Variants in RHOA observed in about 807,000 individuals in gnomAD.
The protein encoded by RHOA is ras homolog family member A.
Under a neutral mutation model 17.5 loss-of-function variants are expected in RHOA, and 3 were observed. The observed-to-expected ratio is 0.17, with a 90% CI of 0.08 to 0.44. The LOEUF (loss-of-function observed/expected upper bound fraction) is 0.44. Among genes scored for constraint, RHOA ranks in the 20% least tolerant of loss-of-function variants. RHOA has a pLI of 0.99. For synonymous variants in RHOA, 98 were observed against 88.4 expected (o/e 1.11, Z -0.61); for missense variants, 56 against 242.3 (o/e 0.23, Z 5.10).
intron 1 of RHOA, among the ~76,000 whole-genome samples, chr3:49,405,085 T>C (rs955929270): frequency 7.0e-6 from 1 of 142,122 alleles, no homozygotes; most frequent in African/African-American, 2.7e-5. Flanking sequence ...CTGTCTCTAC[T>C]AAAAATACAA....
chr3:49,390,634 A>G (rs2048484981), intron 1 of RHOA, among the ~76,000 whole-genome samples: 1 of 152,198 alleles, frequency 6.6e-6, no homozygotes, highest in Non-Finnish European at 1.5e-5. Flanking sequence ...TGTAAAAGGA[A>G]AATACAGATG....
chr3:49,389,557 A>T (rs1235097316), intron 1 of RHOA, among the ~76,000 whole-genome samples: 3 of 152,176 alleles, frequency 2.0e-5, no homozygotes, highest in Non-Finnish European at 4.4e-5. Flanking sequence ...GCTGAAAAAG[A>T]GTCATGACAC....
chr3:49,397,471 T>C (rs1370707904), intron 1 of RHOA, among the ~76,000 whole-genome samples: 1 of 152,122 alleles, frequency 6.6e-6, no homozygotes, highest in African/African-American at 2.4e-5. Context: ...ATATATGAAT[T>C]ATATCTCAGT....
chr3:49,405,930 C>G lies in RHOA; in HGVS notation c.-3+5890G>C, dbSNP rs530389830. Among the ~76,000 whole-genome samples, 21 of 152,252 alleles carry G rather than the reference C, an allele frequency of 1.4e-4. No homozygotes were observed. In the East Asian group the frequency reaches 2.9e-3, roughly 21 times the overall value. On this transcript the variant is annotated intron_variant, in intron 1 of 4. Coordinates refer to ENST00000418115, the MANE Select transcript of RHOA (RefSeq NM_001664.4). Reference sequence around the variant, plus strand: ...GAACTCCTGACCTCAGGTGACCCACCCACCTCGGCCTCCCAAAGTGCTGGG... The same window carrying G: ...GAACTCCTGACCTCAGGTGACCCACGCACCTCGGCCTCCCAAAGTGCTGGG...
intron 1 of RHOA, among the ~76,000 whole-genome samples, chr3:49,393,177 T>TA (rs1350860734): frequency 3.9e-5 from 6 of 151,938 alleles, no homozygotes; most frequent in South Asian, 2.1e-4. Context: ...TCTCAAAAAA[T>TA]AAAAAAATCA....
chr3:49,387,725 C>T (rs1241667825), intron 1 of RHOA, among the ~76,000 whole-genome samples: 60 of 144,480 alleles, frequency 4.2e-4, no homozygotes, highest in African/African-American at 1.3e-3. Context: ...GGGGACAGAG[C>T]GAGACTCCAG....
At chr3:49,373,004 A>G (rs1237115029) in intron 2 of RHOA, among the ~76,000 whole-genome samples, 1 of 152,082 alleles carries the variant, frequency 6.6e-6, no homozygotes, top group African/African-American at 2.4e-5. Flanking sequence ...CAGTGCCACA[A>G]AAGGAGGCTA....
At chr3:49,396,097 A>G (rs1157749424) in intron 1 of RHOA, among the ~76,000 whole-genome samples, 1 of 152,210 alleles carries the variant, frequency 6.6e-6, no homozygotes, top group Non-Finnish European at 1.5e-5. Context: ...AACACCAAGA[A>G]AAAAGGAAGA....
chr3:49,393,729 T>TGAGAGA lies in RHOA; in HGVS notation c.-3+18090_-3+18091insTCTCTC, dbSNP rs1259094624. On this transcript the variant is annotated intron_variant, in intron 1 of 4. Coordinates refer to ENST00000418115, the MANE Select transcript of RHOA (RefSeq NM_001664.4). ...GTGTGTGTGTGTGTGTGTGTGTGTG[T>TGAGAGA]GACAGAATCTCGCTCTGTCGCCCAG... is the stretch of plus-strand genomic sequence containing the variant. Among the ~76,000 whole-genome samples the TGAGAGA allele has an allele frequency of 7.3e-3, 1,001 of 136,758 alleles. 21 individuals are homozygous for TGAGAGA. Among genetic ancestry groups the TGAGAGA allele is most frequent in the Non-Finnish European group, 8.0e-3 (519 of 64,816 alleles). The allele number at this position is 136,758 out of a possible 152,430, so 89.7% of individuals were successfully genotyped here. A position where few individuals can be genotyped will look rare whatever the true frequency, so the allele number is the denominator to read the frequency against.
chr3:49,380,731 A>T, intron 1 of RHOA, among the ~76,000 whole-genome samples: 1 of 148,490 alleles, frequency 6.7e-6, no homozygotes, highest in South Asian at 2.1e-4. Context: ...AATACTCATT[A>T]TCAAAACTAT....
intron 2 of RHOA, among the ~76,000 whole-genome samples, chr3:49,372,373 C>T (rs2048159551): frequency 6.6e-6 from 1 of 152,132 alleles, no homozygotes; most frequent in East Asian, 1.9e-4. Context: ...TATACTTGGG[C>T]CAGAAAGTAT....
chr3:49,392,758 G>A (rs982417340), intron 1 of RHOA, among the ~76,000 whole-genome samples: 13 of 152,128 alleles, frequency 8.5e-5, no homozygotes, highest in Non-Finnish European at 1.8e-4. Context: ...TATACAGCAC[G>A]TCCACCATCA....
intron 1 of RHOA, among the ~76,000 whole-genome samples, chr3:49,377,318 C>T (rs1423694540): frequency 3.3e-5 from 5 of 151,816 alleles, no homozygotes; most frequent in East Asian, 1.9e-4. Context: ...AAGGGCCGGG[C>T]GCAGTGGCTC....
chr3:49,407,929 A>AG (rs200963379), intron 1 of RHOA, among the ~76,000 whole-genome samples: 1,542 of 152,254 alleles, frequency 0.01, 27 homozygotes, highest in African/African-American at 0.032. Context: ...TCAGAGGCCA[A>AG]GGGGGGCAGA....
At chr3:49,373,219 C>T (rs550481838) in intron 2 of RHOA, 11 of 193,842 alleles carry the variant, frequency 5.7e-5, no homozygotes, top group Admixed American at 3.5e-4. Flanking sequence ...TGGCAGGCAC[C>T]TGTAATCCCA....
At chr3:49,377,120 C>G (rs936841903) in intron 1 of RHOA, among the ~76,000 whole-genome samples, 14 of 152,192 alleles carry the variant, frequency 9.2e-5, no homozygotes, top group African/African-American at 3.4e-4. Flanking sequence ...AAGAGCGAAA[C>G]TCCGTCTCAA....
chr3:49,363,208 G>A (rs2047999401), intron 3 of RHOA, among the ~76,000 whole-genome samples: 2 of 151,822 alleles, frequency 1.3e-5, no homozygotes, highest in African/African-American at 2.4e-5. Flanking sequence ...CATGAGGTCA[G>A]GAGATCGAGA....
chr3:49,402,345 T>TA (rs2048739320), intron 1 of RHOA, among the ~76,000 whole-genome samples: 1 of 152,170 alleles, frequency 6.6e-6, no homozygotes, highest in Non-Finnish European at 1.5e-5. Context: ...TATATGCTTA[T>TA]TGTAAACCTT....
intron 1 of RHOA, among the ~76,000 whole-genome samples, chr3:49,411,556 C>G (rs1393094411): frequency 1.3e-5 from 2 of 151,636 alleles, no homozygotes; most frequent in African/African-American, 4.8e-5. Flanking sequence ...AGGCGGGCAG[C>G]CTGGGCTCCA....
Sources: allele counts gnomAD v4.1 joint callset (sites outside exome capture counted in the v4.1 genomes callset), GRCh38; gene constraint gnomAD v4.1.1; transcripts MANE v1.5; gene names NCBI Gene and HGNC (gene_info 2026-07-23, HGNC 2026-07-21).